Variants in PPP1R12B observed in about 807,000 individuals in gnomAD.
PPP1R12B encodes the protein protein phosphatase 1 regulatory subunit 12B.
In PPP1R12B, 76 loss-of-function variants were observed where a neutral mutation model predicts 126.1. The observed-to-expected ratio is 0.60, with a 90% CI of 0.50 to 0.73. The LOEUF (loss-of-function observed/expected upper bound fraction) is 0.73, where lower values mean the gene tolerates loss of function less well. Ranked by LOEUF, PPP1R12B falls within the 30% of genes least tolerant of loss-of-function variation. PPP1R12B has a pLI of 0.00. For missense variants in PPP1R12B, 1,052 were observed against 1,205.1 expected, an observed-to-expected ratio of 0.87 and a Z score of 1.88; for synonymous variants, 356 against 434.7, an observed-to-expected ratio of 0.82 and a Z score of 2.25.
intron 13 of PPP1R12B, among the ~76,000 whole-genome samples, chr1:202,454,679 A>G (rs966634710): frequency 6.6e-6 from 1 of 152,184 alleles, no homozygotes; most frequent in African/African-American, 2.4e-5. Context: ...CACACCTGTA[A>G]TCTTGGCACT....
At chr1:202,536,825 T>C (rs1273366864) in intron 18 of PPP1R12B, among the ~76,000 whole-genome samples, 4 of 152,130 alleles carry the variant, frequency 2.6e-5, no homozygotes, top group Admixed American at 6.6e-5. Flanking sequence ...ACACACACAT[T>C]AGCTTAGGCC....
intron 8 of PPP1R12B, 30 bp downstream of exon 8, chr1:202,431,649 C>A: frequency 6.3e-7 from 1 of 1,585,722 alleles, no homozygotes; most frequent in South Asian, 1.2e-5. Flanking sequence ...AGTGAAGATC[C>A]TCTATCTCCA....
intron 13 of PPP1R12B, among the ~76,000 whole-genome samples, chr1:202,460,294 A>G (rs1351228702): frequency 2.0e-5 from 3 of 152,198 alleles, no homozygotes; most frequent in Admixed American, 6.5e-5. Context: ...GTCAAGATAC[A>G]GTGAGTACTG....
At position 202,570,121 on chromosome 1, in the gene PPP1R12B, T is replaced by C. The variant is rs548790994; in HGVS notation, c.2862+924T>C. Among the ~76,000 whole-genome samples, 39 of 152,312 alleles carry C rather than the reference T, an allele frequency of 2.6e-4. 3 individuals carry two copies. The South Asian group carries it at 7.3e-3, about 28-fold the overall frequency. On this transcript the variant is annotated intron_variant, in intron 23 of 23. Coordinates refer to ENST00000608999, the MANE Select transcript of PPP1R12B (RefSeq NM_002481.4). ...CTTTTTTCTTTCTTCAGGCATCTTA[T>C]TTTACCAGATACATGATGCCAAGCA...
chr1:202,488,249 G>A (rs1328941755), intron 13 of PPP1R12B, among the ~76,000 whole-genome samples: 1 of 152,218 alleles, frequency 6.6e-6, no homozygotes. Flanking sequence ...AATTGAAAAT[G>A]TATGAATTGT....
chr1:202,542,388 C>G (rs1281357625), intron 18 of PPP1R12B, among the ~76,000 whole-genome samples: 1 of 152,190 alleles, frequency 6.6e-6, no homozygotes, highest in African/African-American at 2.4e-5. Flanking sequence ...AATGGCTTGC[C>G]TAGCATTGCT....
At chr1:202,513,573 A>G (rs1274358924) in intron 18 of PPP1R12B, among the ~76,000 whole-genome samples, 2 of 152,174 alleles carry the variant, frequency 1.3e-5, no homozygotes, top group Non-Finnish European at 2.9e-5. Flanking sequence ...AAAGAGTTGA[A>G]AGGTATCAGC....
At chr1:202,444,881 C>T (rs1672049687) in intron 12 of PPP1R12B, among the ~76,000 whole-genome samples, 1 of 152,174 alleles carries the variant, frequency 6.6e-6, no homozygotes, top group Non-Finnish European at 1.5e-5. Context: ...TGCTTGCTGC[C>T]AGTGACTCAG....
chr1:202,578,110 C>T (rs1164952108), intron 23 of PPP1R12B, among the ~76,000 whole-genome samples: 2 of 152,206 alleles, frequency 1.3e-5, no homozygotes, highest in African/African-American at 4.8e-5. Flanking sequence ...ACACTTTTTG[C>T]CACTCCCTTT....
At chr1:202,441,961 A>T (rs934658960) in intron 11 of PPP1R12B, among the ~76,000 whole-genome samples, 1 of 151,830 alleles carries the variant, frequency 6.6e-6, no homozygotes, top group Non-Finnish European at 1.5e-5. Flanking sequence ...GGTTCAAGCG[A>T]TTCTCGTGCC....
At position 202,564,516 on chromosome 1, in the gene PPP1R12B, A is replaced by T; in HGVS notation, c.2726A>T (p.Asp909Val). ...CAGGAAGCCCAGCTAGAGCTAGCAG[A>T]TATAAAGTCCAAGCTTGAGAAGGTG... is the stretch of plus-strand genomic sequence containing the variant. Reference protein sequence around the residue: ...KLQEAQLELADIKSKLEKVAQ... With the variant: ...KLQEAQLELAVIKSKLEKVAQ... Residue 909 changes from aspartate to valine, a missense_variant, in exon 21 of 24, where the codon GAT becomes GTT. By Grantham distance (152) the Asp-to-Val change is radical. Transcript: ENST00000608999. The T allele has an allele frequency of 1.2e-6, 2 of 1,612,572 alleles. No homozygotes were observed. The highest frequency in any genetic ancestry group is 1.7e-6 in the Non-Finnish European group (2 of 1,179,400).
At chr1:202,380,178 TCACTTCAAGGCTTGG>T (rs1054329211) in intron 1 of PPP1R12B, among the ~76,000 whole-genome samples, 27 of 152,128 alleles carry the variant, frequency 1.8e-4, no homozygotes, top group African/African-American at 6.3e-4. Flanking sequence ...ACCCTCCTAA[TCACTTCAAGGCTTGG>T]CTCAGGTGTC....
At chr1:202,522,848 C>A (rs1682915739) in intron 18 of PPP1R12B, among the ~76,000 whole-genome samples, 1 of 152,018 alleles carries the variant, frequency 6.6e-6, no homozygotes, top group African/African-American at 2.4e-5. Context: ...AAGGAACAAT[C>A]CATGAAGATG....
intron 10 of PPP1R12B, chr1:202,438,874 C>T (rs1671209256): frequency 7.4e-7 from 1 of 1,345,882 alleles, no homozygotes; most frequent in African/African-American, 1.4e-5. Context: ...TGCTATAGCC[C>T]CCAGGGCAGG....
intron 1 of PPP1R12B, among the ~76,000 whole-genome samples, chr1:202,359,094 C>T (rs1212511173): frequency 6.6e-6 from 1 of 152,032 alleles, no homozygotes; most frequent in Non-Finnish European, 1.5e-5. Flanking sequence ...TTTATAGATC[C>T]TCATCTCCAG....
chr1:202,446,213 ACTCTCTCTCTCT>A (rs3077313), intron 12 of PPP1R12B, among the ~76,000 whole-genome samples: 1 of 64,520 alleles, frequency 1.5e-5, no homozygotes, highest in African/African-American at 5.5e-5. Context: ...ATATTATATT[ACTCTCTCTCTCT>A]CTCTCTCTCT....
At chr1:202,553,513 C>T (rs917692281) in intron 18 of PPP1R12B, among the ~76,000 whole-genome samples, 2 of 152,124 alleles carry the variant, frequency 1.3e-5, no homozygotes, top group African/African-American at 2.4e-5. Context: ...AAGATTCATG[C>T]CTTTTCTAAA....
Position 202,439,418 on chromosome 1 carries a change from G to C in PPP1R12B, c.1459-1288G>C, listed in dbSNP as rs554601395. The C allele has an allele frequency of 4.0e-6, 5 of 1,264,198 alleles. No homozygotes were observed. The African/African-American group carries it at 7.3e-5, about 18-fold the overall frequency. 78.3% of individuals were successfully genotyped at this position (1,264,198 alleles called of 1,614,324 possible). A position where few individuals can be genotyped will look rare whatever the true frequency, so the allele number is the denominator to read the frequency against. ...CACAGCGGAGCACGGAGACCGCCCT[G>C]TACTGGAAAATGCTGGGCGACCCCA... On this transcript the variant is annotated intron_variant, in intron 10 of 23. Coordinates refer to ENST00000608999, the MANE Select transcript of PPP1R12B (RefSeq NM_002481.4).
chr1:202,348,742 C>G lies in PPP1R12B; in HGVS notation c.-110C>G, dbSNP rs1474318622. 2 of 1,374,624 alleles carry G rather than the reference C, an allele frequency of 1.5e-6. No individual in the cohort carries two copies. The highest frequency in any genetic ancestry group is 3.0e-5 in the South Asian group (2 of 66,004). 85.2% of individuals were successfully genotyped at this position (1,374,624 alleles called of 1,614,324 possible). On this transcript the variant is annotated 5_prime_UTR_variant, in exon 1 of 24. Transcript: ENST00000608999. ...AGTAAAGATGGCGGCGCGAGGGTCT[C>G]CGCCCTCTGCTCCGGGCTGAAGCGC...
Sources: allele counts gnomAD v4.1 joint callset (sites outside exome capture counted in the v4.1 genomes callset), GRCh38; gene constraint gnomAD v4.1.1; transcripts MANE v1.5; gene names NCBI Gene and HGNC (gene_info 2026-07-23, HGNC 2026-07-21).